Variants in FANCI observed in about 807,000 individuals in gnomAD.
FANCI encodes the protein Fanconi anemia group I protein.
Under a neutral mutation model 176.1 loss-of-function variants are expected in FANCI, and 156 were observed. The observed-to-expected ratio is 0.89, with a 90% confidence interval of 0.78 to 1.01. The LOEUF is 1.01. FANCI is among the 50% of genes least tolerant of loss of function. The pLI is 0.00. For missense variants in FANCI, 1,678 were observed against 1,534.1 expected (o/e 1.09, Z -1.57); for synonymous variants, 613 against 541.7 (o/e 1.13, Z -1.83).
intron 24 of FANCI, among the ~76,000 whole-genome samples, chr15:89,299,161 C>G (rs2054430827): frequency 7.3e-6 from 1 of 137,384 alleles, no homozygotes. Context: ...CAGAGTGAGA[C>G]TCTGTCTCAA....
Position 89,265,646 on chromosome 15 carries a change from C to G in FANCI, c.755+1039C>G, listed in dbSNP as rs1045969141. The stretch of plus-strand genomic sequence containing the variant: ...TCAAGAGATTCTCCTCCCTCAGCCT[C>G]CTGAGTAGCTGAGATTGCAGGCATG... On this transcript the variant is annotated intron_variant, in intron 9 of 37. Transcript: ENST00000310775. Among the ~76,000 whole-genome samples, 4 of 152,048 alleles carry G rather than the reference C, an allele frequency of 2.6e-5. No individual in the cohort carries two copies. The East Asian group carries it at 7.7e-4, about 29-fold the overall frequency.
At chr15:89,246,729 A>G (rs2051991046) in intron 1 of FANCI, among the ~76,000 whole-genome samples, 1 of 150,466 alleles carries the variant, frequency 6.6e-6, no homozygotes, top group Non-Finnish European at 1.5e-5. Flanking sequence ...TACCTTGTTA[A>G]CTTCTCAGCT....
At chr15:89,301,178 G>A in intron 26 of FANCI, 148 bp from the exon 27 acceptor site, 1 of 720,816 alleles carries the variant, frequency 1.4e-6, no homozygotes, top group African/African-American at 1.7e-5. Context: ...GCTCAATTCA[G>A]GTGTATTTTC....
In FANCI at chr15:89,273,736, C is replaced by A. The variant is rs551875311; in HGVS notation, c.975+267C>A. Reference sequence around the variant, plus strand: ...AGGTGGGAATAAGAGTGGAAGGATACCACACAGCCCCAGTTGGAGGAAGGG... The same window carrying A: ...AGGTGGGAATAAGAGTGGAAGGATAACACACAGCCCCAGTTGGAGGAAGGG... On this transcript the variant is annotated intron_variant, in intron 11 of 37. Transcript: ENST00000310775. Among the ~76,000 whole-genome samples, 7 of 137,118 alleles carry A rather than the reference C, an allele frequency of 5.1e-5. No homozygotes were observed. The South Asian group carries it at 1.7e-3, about 34-fold the overall frequency. The allele number at this position is 137,118 out of a possible 152,430, so 90.0% of individuals were successfully genotyped here. A position where few individuals can be genotyped will look rare whatever the true frequency, so the allele number is the denominator to read the frequency against.
Position 89,264,617 on chromosome 15 carries a change from A to G in FANCI, c.755+10A>G. 1 of 1,604,850 alleles carries G rather than the reference A, an allele frequency of 6.2e-7. No individual in the cohort carries two copies. Among genetic ancestry groups the G allele is most frequent in the South Asian group, 1.1e-5 (1 of 90,876 alleles). ...AACAGAGTGGTGACGAGTGAGTAAT[A>G]TAGTGTAGAAATAAAGATCATTTTT... is the stretch of plus-strand genomic sequence containing the variant. On this transcript the variant is annotated intron_variant, in intron 9 of 37. Transcript: ENST00000310775.
intron 24 of FANCI, among the ~76,000 whole-genome samples, chr15:89,297,590 C>T (rs1200420715): frequency 6.6e-6 from 1 of 152,160 alleles, no homozygotes; most frequent in East Asian, 1.9e-4. Flanking sequence ...GAAACCCCGT[C>T]TCCATCAAAA....
intron 25 of FANCI, 68 bp downstream of exon 25, chr15:89,300,034 T>C: frequency 1.9e-6 from 3 of 1,550,934 alleles, no homozygotes; most frequent in Non-Finnish European, 8.9e-7. Context: ...CTTAATTCCA[T>C]TTGTTAACCT....
rs2151754256 is a variant in FANCI, at chr15:89,294,907, C to G, written c.2457-8C>G. The G allele has an allele frequency of 3.2e-6, 5 of 1,550,598 alleles. No homozygotes were observed. Among genetic ancestry groups the G allele is most frequent in the South Asian group, 1.2e-5 (1 of 83,854 alleles). Reference sequence around the variant, plus strand: ...CCTTTTTCTTTCTCTCTCTCTGTCTCTCTCTAGGGATAGTATCCAAAGCCA... The same window carrying G: ...CCTTTTTCTTTCTCTCTCTCTGTCTGTCTCTAGGGATAGTATCCAAAGCCA... On this transcript the variant is annotated splice_polypyrimidine_tract_variant and splice_region_variant and intron_variant, in intron 23 of 37. Coordinates refer to ENST00000310775, the MANE Select transcript of FANCI (RefSeq NM_001113378.2).
At chr15:89,253,509 TTAAAAATAAATAAATAAA>T (rs2052353033) in intron 2 of FANCI, among the ~76,000 whole-genome samples, 1 of 141,510 alleles carries the variant, frequency 7.1e-6, no homozygotes, top group Non-Finnish European at 1.5e-5. Context: ...ACTCTGTCTC[TTAAAAATAAATAAATAAA>T]TAAATAAATA....
intron 24 of FANCI, among the ~76,000 whole-genome samples, chr15:89,299,310 A>C (rs1479334360): frequency 6.6e-6 from 1 of 152,330 alleles, no homozygotes; most frequent in Middle Eastern, 3.4e-3. Context: ...TGGTAAATTC[A>C]TCCAAACATT....
Position 89,284,948 on chromosome 15 carries a change from A to G in FANCI, c.1699-148A>G, listed in dbSNP as rs16942960. On this transcript the variant is annotated intron_variant, in intron 17 of 37. Coordinates refer to ENST00000310775, the MANE Select transcript of FANCI (RefSeq NM_001113378.2). ...GAATAAGAGTGACACTTACTACTGC[A>G]TGGTAATGATTATACTGTGTGTCTC... 9.4e-3 allele frequency: 7,800 copies of G among 831,882 alleles called. 384 individuals are homozygous for G. The Admixed American group carries it at 0.098, about 10-fold the overall frequency. 51.5% of individuals were successfully genotyped at this position (831,882 alleles called of 1,614,324 possible). A position where few individuals can be genotyped will look rare whatever the true frequency, so the allele number is the denominator to read the frequency against.
intron 2 of FANCI, among the ~76,000 whole-genome samples, chr15:89,256,597 C>G (rs1423613672): frequency 1.3e-5 from 2 of 152,200 alleles, no homozygotes; most frequent in African/African-American, 4.8e-5. Context: ...TTTTTAATGA[C>G]TGACTCTTGG....
chr15:89,251,918 A>G (rs547001392), intron 2 of FANCI, among the ~76,000 whole-genome samples: 113 of 152,350 alleles, frequency 7.4e-4, no homozygotes, highest in African/African-American at 2.5e-3. Flanking sequence ...GAACAAAGCA[A>G]TGATGCCTAC....
At chr15:89,260,566 C>T in intron 3 of FANCI, 147 bp from the exon 4 acceptor site, 2 of 1,002,316 alleles carry the variant, frequency 2.0e-6, no homozygotes, top group Non-Finnish European at 3.0e-6. Context: ...TTTTCAAAGC[C>T]CTTAACCATT....
At chr15:89,272,803 G>A (rs1388633316) in intron 10 of FANCI, among the ~76,000 whole-genome samples, 1 of 152,002 alleles carries the variant, frequency 6.6e-6, no homozygotes, top group Non-Finnish European at 1.5e-5. Flanking sequence ...CCGAGTAGCT[G>A]GGATTACAGG....
At chr15:89,289,450 G>A (rs1488494754) in intron 18 of FANCI, among the ~76,000 whole-genome samples, 3 of 151,784 alleles carry the variant, frequency 2.0e-5, no homozygotes, top group African/African-American at 7.3e-5. Flanking sequence ...GATCACAGGC[G>A]TGCATCACCA....
At chr15:89,264,688 C>T (rs936388902) in intron 9 of FANCI, 81 bp downstream of exon 9, 4 of 1,280,628 alleles carry the variant, frequency 3.1e-6, no homozygotes, top group South Asian at 1.3e-5. Context: ...TCATTTTCTT[C>T]TCTCTCACCG....
chr15:89,258,998 G>A (rs1324063993), intron 3 of FANCI: 2 of 522,864 alleles, frequency 3.8e-6, no homozygotes, highest in Non-Finnish European at 6.9e-6. Flanking sequence ...CTGATTTGGG[G>A]GCCTATAATT....
chr15:89,302,667 G>A (rs969013066), intron 27 of FANCI, among the ~76,000 whole-genome samples: 3 of 151,490 alleles, frequency 2.0e-5, no homozygotes, highest in African/African-American at 7.3e-5. Context: ...GCCGCCTTCC[G>A]GGTTCACGCC....
Sources: gnomAD v4.1 joint callset for allele counts (sites outside exome capture counted in the v4.1 genomes callset) on GRCh38, gnomAD v4.1.1 for gene constraint, MANE v1.5 for transcripts, NCBI Gene and HGNC (gene_info 2026-07-23, HGNC 2026-07-21) for gene names.